MAGI1: variants seen among roughly 807,000 people sequenced by gnomAD.
MAGI1 encodes membrane-associated guanylate kinase, WW and PDZ domain-containing protein 1.
Under a neutral mutation model 139.9 loss-of-function variants are expected in MAGI1, and 58 were observed. That is an observed-to-expected ratio of 0.41 (90% CI 0.34 to 0.52). The LOEUF (loss-of-function observed/expected upper bound fraction) is 0.52, where lower values mean the gene tolerates loss of function less well. Among genes scored for constraint, MAGI1 ranks in the 20% least tolerant of loss-of-function variants. The probability of loss-of-function intolerance (pLI) is 0.12; values close to 1 mark genes in which losing one functional copy is unlikely to be tolerated. For missense variants in MAGI1, 1,874 were observed against 1,901.6 expected (o/e 0.99, Z 0.27); for synonymous variants, 812 against 737.9 (o/e 1.10, Z -1.63).
chr3:66,001,042 C>G (rs2066712583), intron 1 of MAGI1, among the ~76,000 whole-genome samples: 1 of 152,180 alleles, frequency 6.6e-6, no homozygotes, highest in African/African-American at 2.4e-5. Context: ...AAATTATTCT[C>G]TTCAAGGGAC....
intron 1 of MAGI1, among the ~76,000 whole-genome samples, chr3:65,920,953 CG>C (rs1156856405): frequency 5.3e-5 from 8 of 151,656 alleles, no homozygotes; most frequent in African/African-American, 1.9e-4. Context: ...TGCTTGAACC[CG>C]GGAAGCAGAG....
At chr3:65,542,582 C>A (rs1275950163) in intron 2 of MAGI1, among the ~76,000 whole-genome samples, 1 of 152,054 alleles carries the variant, frequency 6.6e-6, no homozygotes, top group East Asian at 1.9e-4. Flanking sequence ...AGAACAGAGG[C>A]CTCAGAAATA....
chr3:65,856,576 A>G (rs1342486493), intron 1 of MAGI1, among the ~76,000 whole-genome samples: 1 of 152,192 alleles, frequency 6.6e-6, no homozygotes, highest in Non-Finnish European at 1.5e-5. Context: ...CAGATGCTGC[A>G]TGACTATAGA....
At chr3:65,490,781 G>T (rs1969445) in intron 3 of MAGI1, among the ~76,000 whole-genome samples, 84,194 of 145,540 alleles carry the variant, frequency 0.58, 24,523 homozygotes, top group East Asian at 0.75. Context: ...GAGGGGGAGG[G>T]TGCAGTGAGC....
chr3:65,851,768 C>T (rs145815393), intron 1 of MAGI1, among the ~76,000 whole-genome samples: 1 of 152,078 alleles, frequency 6.6e-6, no homozygotes, highest in East Asian at 1.9e-4. Context: ...ATGTGTTAGG[C>T]TAACATGTAC....
chr3:65,486,069 C>G (rs1406288532), intron 3 of MAGI1, among the ~76,000 whole-genome samples: 1 of 152,206 alleles, frequency 6.6e-6, no homozygotes, highest in Admixed American at 6.5e-5. Context: ...GAACAGGACT[C>G]TAGACAGTCT....
intron 1 of MAGI1, among the ~76,000 whole-genome samples, chr3:65,840,289 G>C (rs1443987687): frequency 4.6e-5 from 7 of 151,936 alleles, no homozygotes; most frequent in African/African-American, 1.7e-4. Context: ...AGAAATTCCA[G>C]TACTATATTG....
At chr3:65,505,994 T>A (rs938855598) in intron 2 of MAGI1, among the ~76,000 whole-genome samples, 6 of 152,148 alleles carry the variant, frequency 3.9e-5, no homozygotes, top group Non-Finnish European at 5.9e-5. Context: ...CTTTCATTAG[T>A]CCTCCCAATA....
intron 1 of MAGI1, among the ~76,000 whole-genome samples, chr3:65,830,579 T>C (rs943850917): frequency 4.6e-5 from 7 of 152,222 alleles, no homozygotes; most frequent in African/African-American, 1.4e-4. Flanking sequence ...CCAGATTCTG[T>C]ATCAGACTCC....
In MAGI1 at chr3:65,758,609, G is replaced by A. The variant is rs551821572; in HGVS notation, c.314-136521C>T. On this transcript the variant is annotated intron_variant, in intron 1 of 22. Coordinates refer to ENST00000402939, the MANE Select transcript of MAGI1 (RefSeq NM_001033057.2). ...CATGCCCCAGGAGACATCTGGCAAC[G>A]TCTGGAGACATTATTGGTTGTCACA... Among the ~76,000 whole-genome samples, 11 of 152,214 alleles carry A rather than the reference G, an allele frequency of 7.2e-5. No individual in the cohort carries two copies. In the East Asian group the frequency reaches 1.2e-3, roughly 16 times the overall value.
chr3:65,592,430 C>T (rs896879956), intron 2 of MAGI1, among the ~76,000 whole-genome samples: 3 of 152,108 alleles, frequency 2.0e-5, no homozygotes, highest in Non-Finnish European at 4.4e-5. Flanking sequence ...AGGTCACCAT[C>T]AGGGCAAGGG....
At chr3:65,362,551 T>C (rs1280137332) in intron 21 of MAGI1, among the ~76,000 whole-genome samples, 1 of 152,214 alleles carries the variant, frequency 6.6e-6, no homozygotes, top group East Asian at 1.9e-4. Context: ...CTGTTTAATT[T>C]TCTTAAAACA....
At chr3:65,700,170 G>A (rs1019477263) in intron 1 of MAGI1, among the ~76,000 whole-genome samples, 6 of 152,168 alleles carry the variant, frequency 3.9e-5, no homozygotes, top group African/African-American at 1.2e-4. Context: ...CAGGCTGGGC[G>A]CGGTGACTCA....
chr3:65,575,462 G>T (rs2081140247), intron 2 of MAGI1, among the ~76,000 whole-genome samples: 1 of 152,088 alleles, frequency 6.6e-6, no homozygotes, highest in Non-Finnish European at 1.5e-5. Flanking sequence ...CTCTGGGAAG[G>T]TTAAGAGATT....
At chr3:65,867,421 A>C (rs1436267965) in intron 1 of MAGI1, among the ~76,000 whole-genome samples, 1 of 152,190 alleles carries the variant, frequency 6.6e-6, no homozygotes, top group African/African-American at 2.4e-5. Context: ...TCATCAACCC[A>C]GTTCCCCTAA....
chr3:66,016,149 G>A (rs994221675), intron 1 of MAGI1, among the ~76,000 whole-genome samples: 1 of 152,146 alleles, frequency 6.6e-6, no homozygotes, highest in Admixed American at 6.5e-5. Context: ...AGAATCAAGT[G>A]ATCAGATTCA....
intron 1 of MAGI1, among the ~76,000 whole-genome samples, chr3:65,625,179 T>C (rs1232109349): frequency 6.6e-6 from 1 of 152,218 alleles, no homozygotes; most frequent in Admixed American, 6.5e-5. Flanking sequence ...GGCCCCAATA[T>C]AATATTCTTG....
At chr3:65,856,078 A>C (rs1045922422) in intron 1 of MAGI1, among the ~76,000 whole-genome samples, 9 of 152,142 alleles carry the variant, frequency 5.9e-5, no homozygotes, top group African/African-American at 1.9e-4. Context: ...TGAGCATTTG[A>C]AATATGACTA....
chr3:65,754,284 G>A (rs552601022), intron 1 of MAGI1, among the ~76,000 whole-genome samples: 7 of 152,198 alleles, frequency 4.6e-5, no homozygotes, highest in African/African-American at 1.7e-4. Context: ...GCACATTTAC[G>A]ATTAATTTCC....
Sources: gnomAD v4.1 joint callset for allele counts (sites outside exome capture counted in the v4.1 genomes callset) on GRCh38, gnomAD v4.1.1 for gene constraint, MANE v1.5 for transcripts, NCBI Gene and HGNC (gene_info 2026-07-23, HGNC 2026-07-21) for gene names.